KAZN: variants seen among roughly 807,000 people sequenced by gnomAD.
KAZN encodes kazrin.
Under a neutral mutation model 87.4 loss-of-function variants are expected in KAZN, and 40 were observed. The observed-to-expected ratio is 0.46, with a 90% confidence interval of 0.36 to 0.60. The LOEUF is 0.60. KAZN is among the 20% of genes least tolerant of loss of function. The pLI is 0.00. For synonymous variants in KAZN, 466 were observed against 458.3 expected (o/e 1.02, Z -0.22); for missense variants, 898 against 1,073.9 (o/e 0.84, Z 2.29).
chr1:15,020,376 G>A (rs879320225), intron 2 of KAZN, among the ~76,000 whole-genome samples: 6 of 152,186 alleles, frequency 3.9e-5, no homozygotes, highest in African/African-American at 9.7e-5. Flanking sequence ...TCAGCACCCA[G>A]ATCAAGAATA....
intron 1 of KAZN, among the ~76,000 whole-genome samples, chr1:14,831,650 G>A (rs148507526): frequency 2.6e-5 from 4 of 152,178 alleles, no homozygotes; most frequent in African/African-American, 9.6e-5. Context: ...TGAGCCTACC[G>A]CCGAGGTTTT....
intron 1 of KAZN, among the ~76,000 whole-genome samples, chr1:14,899,496 G>A (rs924402929): frequency 6.6e-6 from 1 of 152,190 alleles, no homozygotes; most frequent in African/African-American, 2.4e-5. Flanking sequence ...CAAAGAGAAA[G>A]GGAAGGAATG....
Position 14,278,487 on chromosome 1 carries a change from A to C in KAZN, c.249+97895A>C, listed in dbSNP as rs566621015. On this transcript the variant is annotated intron_variant, in intron 2 of 16. Coordinates refer to the KAZN transcript ENST00000636203. ...GTATTTTTAATAGAGACGGGGTTTT[A>C]CGACGTTGGCCAGGCTGGTCTTGAA... Among the ~76,000 whole-genome samples the C allele has an allele frequency of 5.3e-5, 8 of 152,022 alleles. No individual in the cohort carries two copies. In the East Asian group the frequency reaches 1.6e-3, roughly 30 times the overall value.
rs77338685 is a variant in KAZN, at chr1:14,318,388, G to A, written c.249+137796G>A. Among the ~76,000 whole-genome samples the A allele has an allele frequency of 0.01, 1,545 of 151,840 alleles. 116 individuals carry two copies. The East Asian group carries it at 0.22, about 21-fold the overall frequency. On this transcript the variant is annotated intron_variant, in intron 2 of 16. Coordinates refer to the KAZN transcript ENST00000636203. Reference sequence around the variant, plus strand: ...AAAATATTACTTCATTTTCTTCTACGTTGCATAGTTTTTGACAAGGAGATT... The same window carrying A: ...AAAATATTACTTCATTTTCTTCTACATTGCATAGTTTTTGACAAGGAGATT...
chr1:14,633,580 C>G (rs529732355), intron 1 of KAZN, among the ~76,000 whole-genome samples: 1 of 152,304 alleles, frequency 6.6e-6, no homozygotes, highest in African/African-American at 2.4e-5. Flanking sequence ...TGACCTCCAG[C>G]ACTGTCAGAT....
At chr1:14,622,096 A>T (rs375962388) in intron 1 of KAZN, among the ~76,000 whole-genome samples, 76 of 152,300 alleles carry the variant, frequency 5.0e-4, no homozygotes, top group African/African-American at 1.7e-3. Context: ...TTTAGAAGAA[A>T]ATTACACAGA....
At chr1:14,285,149 G>C (rs1020884196) in intron 2 of KAZN, among the ~76,000 whole-genome samples, 1 of 152,142 alleles carries the variant, frequency 6.6e-6, no homozygotes, top group African/African-American at 2.4e-5. Flanking sequence ...GTGCCCAGTC[G>C]GTAAAGTGTT....
intron 2 of KAZN, among the ~76,000 whole-genome samples, chr1:14,338,501 AAAAAG>A (rs1377322562): frequency 1.6e-4 from 23 of 141,678 alleles, no homozygotes; most frequent in African/African-American, 5.3e-4. Flanking sequence ...AAAAAAAAAA[AAAAAG>A]AGAGAGAGAG....
At chr1:14,693,287 G>A (rs1427743402) in intron 1 of KAZN, among the ~76,000 whole-genome samples, 6 of 152,080 alleles carry the variant, frequency 3.9e-5, no homozygotes, top group African/African-American at 7.2e-5. Context: ...TGTTTCTCCC[G>A]GCAACAGGAT....
At chr1:15,071,753 T>A (rs2100593679) in intron 8 of KAZN, among the ~76,000 whole-genome samples, 1 of 152,344 alleles carries the variant, frequency 6.6e-6, no homozygotes, top group Admixed American at 6.5e-5. Context: ...GCAGGACCTC[T>A]GATGACCTAG....
At chr1:14,905,996 G>A (rs1656507882) in intron 1 of KAZN, among the ~76,000 whole-genome samples, 2 of 150,966 alleles carry the variant, frequency 1.3e-5, no homozygotes, top group Non-Finnish European at 1.5e-5. Flanking sequence ...GTGAGACCCC[G>A]TCTCTACTAA....
chr1:14,659,512 T>C (rs1414629881), intron 1 of KAZN, among the ~76,000 whole-genome samples: 2 of 152,202 alleles, frequency 1.3e-5, no homozygotes, highest in Non-Finnish European at 1.5e-5. Flanking sequence ...TTTCCTTTGC[T>C]ATCTCCGTAG....
chr1:14,309,264 TA>T (rs1655128369), intron 2 of KAZN, among the ~76,000 whole-genome samples: 1 of 152,270 alleles, frequency 6.6e-6, no homozygotes, highest in Non-Finnish European at 1.5e-5. Context: ...CCCATTTATC[TA>T]AAACTTCAAT....
At chr1:14,109,050 C>T (rs1644442157) in intron 1 of KAZN, among the ~76,000 whole-genome samples, 1 of 152,220 alleles carries the variant, frequency 6.6e-6, no homozygotes, top group African/African-American at 2.4e-5. Context: ...GTGAATCAGT[C>T]ATAGCCCATG....
chr1:14,611,688 CAA>C (rs34013908), intron 1 of KAZN, among the ~76,000 whole-genome samples: 67 of 119,618 alleles, frequency 5.6e-4, no homozygotes, highest in Middle Eastern at 4.5e-3. Flanking sequence ...CACCCTGTCT[CAA>C]AAAAAAAAAA....
At position 14,242,396 on chromosome 1, in the gene KAZN, A is replaced by T. The variant is rs1171158114; in HGVS notation, c.249+61804A>T. On this transcript the variant is annotated intron_variant, in intron 2 of 16. Coordinates refer to the KAZN transcript ENST00000636203. ...GCCAGTGTTAAAAATGATGTCTATG[A>T]GAATGACAGACCTTCCAGCAAATGT... Among the ~76,000 whole-genome samples, 3 of 152,342 alleles carry T rather than the reference A, an allele frequency of 2.0e-5. No homozygotes were observed. In the South Asian group the frequency reaches 6.2e-4, roughly 32 times the overall value.
At chr1:14,603,720 C>T (rs1677148041) in intron 1 of KAZN, among the ~76,000 whole-genome samples, 1 of 152,124 alleles carries the variant, frequency 6.6e-6, no homozygotes, top group Non-Finnish European at 1.5e-5. Context: ...GCATGATAGG[C>T]CCTCTCTCCA....
chr1:14,105,198 A>G (rs556259521), intron 1 of KAZN, among the ~76,000 whole-genome samples: 3 of 152,356 alleles, frequency 2.0e-5, no homozygotes, highest in Admixed American at 2.0e-4. Context: ...TCGCATGAAT[A>G]AGTGCATAGT....
intron 1 of KAZN, among the ~76,000 whole-genome samples, chr1:14,640,264 A>G (rs1036295008): frequency 6.6e-6 from 1 of 152,150 alleles, no homozygotes; most frequent in Admixed American, 6.5e-5. Context: ...ACCGTCTGGG[A>G]CCTGCTGGAA....
Sources: gnomAD v4.1 joint callset for allele counts (sites outside exome capture counted in the v4.1 genomes callset) on GRCh38, gnomAD v4.1.1 for gene constraint, MANE v1.5 for transcripts, NCBI Gene and HGNC (gene_info 2026-07-23, HGNC 2026-07-21) for gene names.